The following ADAMTS17 variants were observed in gnomAD, a reference collection of about 807,000 sequenced individuals.
ADAMTS17 encodes the protein ADAM metallopeptidase with thrombospondin type 1 motif 17, also known as A disintegrin and metalloproteinase with thrombospondin motifs 17.
In ADAMTS17, 113 loss-of-function variants were observed where a neutral mutation model predicts 141.5. The observed-to-expected ratio is 0.80, with a 90% CI of 0.69 to 0.93. ADAMTS17 has a LOEUF of 0.93. Among genes scored for constraint, ADAMTS17 ranks in the 40% least tolerant of loss-of-function variants. The pLI is 0.00. For synonymous variants in ADAMTS17, 768 were observed against 630.6 expected, an observed-to-expected ratio of 1.22 and a Z score of -3.27; for missense variants, 1,659 against 1,517.9, an observed-to-expected ratio of 1.09 and a Z score of -1.54.
At chr15:100,293,024 T>G (rs185412586) in intron 3 of ADAMTS17, among the ~76,000 whole-genome samples, 232 of 152,350 alleles carry the variant, frequency 1.5e-3, no homozygotes, top group Non-Finnish European at 2.2e-3. Context: ...TGAATTTTGT[T>G]TAATTATATC....
chr15:99,974,974 A>G (rs760441512), intron 21 of ADAMTS17, among the ~76,000 whole-genome samples: 58 of 152,200 alleles, frequency 3.8e-4, no homozygotes, highest in Non-Finnish European at 7.5e-4. Context: ...TGGCCCAAAT[A>G]TCCTTCAGGG....
Position 100,333,983 on chromosome 15 carries a change from A to G in ADAMTS17, c.451-2929T>C, listed in dbSNP as rs183558976. Among the ~76,000 whole-genome samples, 979 of 152,348 alleles carry G rather than the reference A, an allele frequency of 6.4e-3. 8 individuals are homozygous for G. Among genetic ancestry groups the G allele is most frequent in the African/African-American group, 0.023 (938 of 41,580 alleles). ...AAAGAGAAATCTTCAGTTTTGCAGG[A>G]TTTGGTATGCTATACTATAAGTGTG... On this transcript the variant is annotated intron_variant, in intron 2 of 21. Coordinates refer to ENST00000268070, the MANE Select transcript of ADAMTS17 (RefSeq NM_139057.4).
chr15:100,031,926 C>T (rs751042124), intron 18 of ADAMTS17, among the ~76,000 whole-genome samples: 1 of 152,034 alleles, frequency 6.6e-6, no homozygotes, highest in South Asian at 2.1e-4. Context: ...CTTGCCCTTA[C>T]GGGGAAGAGG....
intron 10 of ADAMTS17, among the ~76,000 whole-genome samples, chr15:100,139,778 C>T (rs961953612): frequency 2.6e-5 from 4 of 152,018 alleles, no homozygotes; most frequent in Non-Finnish European, 4.4e-5. Flanking sequence ...TCTTCAAAAG[C>T]GTCAAGGTCA....
intron 8 of ADAMTS17, among the ~76,000 whole-genome samples, chr15:100,187,872 A>G (rs1328920042): frequency 6.6e-6 from 1 of 152,242 alleles, no homozygotes; most frequent in Non-Finnish European, 1.5e-5. Context: ...GCAAGAGAGC[A>G]AAGTCAGCAT....
chr15:100,049,034 C>A (rs1169030334), intron 17 of ADAMTS17, 42 bp from the exon 18 acceptor site: 6 of 1,613,830 alleles, frequency 3.7e-6, no homozygotes, highest in Admixed American at 1.7e-5. Flanking sequence ...TGTGGCTGCA[C>A]CCACGTGGAA....
intron 15 of ADAMTS17, among the ~76,000 whole-genome samples, chr15:100,083,310 G>T (rs944340365): frequency 6.6e-6 from 1 of 152,158 alleles, no homozygotes; most frequent in African/African-American, 2.4e-5. Context: ...GCAGGGGCTG[G>T]AAGCAGACTT....
chr15:100,172,702 C>T (rs1284883222), intron 8 of ADAMTS17, among the ~76,000 whole-genome samples: 1 of 152,208 alleles, frequency 6.6e-6, no homozygotes, highest in African/African-American at 2.4e-5. Flanking sequence ...GCGGTCCCAC[C>T]CTAGCCAATA....
At chr15:99,982,936 G>C (rs2727208) in intron 20 of ADAMTS17, among the ~76,000 whole-genome samples, 1 of 152,050 alleles carries the variant, frequency 6.6e-6, no homozygotes, top group Non-Finnish European at 1.5e-5. Context: ...GAAAAAACAG[G>C]AACAAAATTG....
intron 18 of ADAMTS17, among the ~76,000 whole-genome samples, chr15:100,038,468 C>A (rs945165191): frequency 6.6e-6 from 1 of 152,068 alleles, no homozygotes; most frequent in Non-Finnish European, 1.5e-5. Context: ...GTATTGTTAT[C>A]TTAACAAGTC....
chr15:100,075,314 T>C (rs1315260077), intron 15 of ADAMTS17, among the ~76,000 whole-genome samples: 1 of 152,240 alleles, frequency 6.6e-6, no homozygotes, highest in East Asian at 1.9e-4. Context: ...TTTCTGCCAG[T>C]TTCTCTAATA....
At chr15:100,319,871 G>A (rs572138780) in intron 3 of ADAMTS17, among the ~76,000 whole-genome samples, 8 of 151,720 alleles carry the variant, frequency 5.3e-5, no homozygotes, top group South Asian at 2.1e-4. Context: ...CAGAGGTTGC[G>A]GTGAGCTGAG....
chr15:99,982,766 A>C (rs2060507139), intron 20 of ADAMTS17, among the ~76,000 whole-genome samples: 1 of 152,200 alleles, frequency 6.6e-6, no homozygotes, highest in Non-Finnish European at 1.5e-5. Flanking sequence ...TGGGGGCAGC[A>C]ATAAATTTAG....
intron 15 of ADAMTS17, among the ~76,000 whole-genome samples, chr15:100,066,040 G>T (rs938097354): frequency 1.3e-5 from 2 of 152,184 alleles, no homozygotes; most frequent in African/African-American, 2.4e-5. Context: ...CCATGTGACT[G>T]CAAAGGACAT....
At chr15:100,340,361 G>T (rs971059647) in intron 2 of ADAMTS17, among the ~76,000 whole-genome samples, 1 of 152,206 alleles carries the variant, frequency 6.6e-6, no homozygotes, top group African/African-American at 2.4e-5. Flanking sequence ...GGGAGCTCCT[G>T]GGGGCAGGAA....
chr15:100,271,972 TGTC>T (rs1484067118), intron 4 of ADAMTS17, among the ~76,000 whole-genome samples: 1 of 152,176 alleles, frequency 6.6e-6, no homozygotes, highest in African/African-American at 2.4e-5. Context: ...TTGAAAAGAC[TGTC>T]ACTTCTCTAT....
chr15:100,265,311 C>CT (rs1167047453), intron 4 of ADAMTS17, among the ~76,000 whole-genome samples: 3 of 152,118 alleles, frequency 2.0e-5, no homozygotes, highest in Non-Finnish European at 4.4e-5. Context: ...GTCTCGTCTT[C>CT]TTTTTTTTCC....
intron 20 of ADAMTS17, among the ~76,000 whole-genome samples, chr15:99,981,077 C>T (rs1489269499): frequency 3.3e-5 from 5 of 152,138 alleles, no homozygotes; most frequent in African/African-American, 4.8e-5. Context: ...GTAGGAGTGG[C>T]GAGTGGTCCA....
intron 20 of ADAMTS17, among the ~76,000 whole-genome samples, chr15:99,982,240 G>A (rs2060495322): frequency 6.6e-6 from 1 of 152,228 alleles, no homozygotes; most frequent in African/African-American, 2.4e-5. Context: ...GAGCTGGGCA[G>A]GGAGCTCCTG....
Sources: gnomAD v4.1 joint callset for allele counts (sites outside exome capture counted in the v4.1 genomes callset) on GRCh38, gnomAD v4.1.1 for gene constraint, MANE v1.5 for transcripts, NCBI Gene and HGNC (gene_info 2026-07-23, HGNC 2026-07-21) for gene names.